The following RASSF9 variants were observed in gnomAD, a reference collection of about 807,000 sequenced individuals.
RASSF9 encodes ras association domain-containing protein 9.
A neutral mutation model predicts 21.4 loss-of-function variants in RASSF9; 18 were observed. The ratio of observed to expected loss-of-function variants is 0.84; its 90% CI spans 0.58 to 1.25. The LOEUF is 1.25. Ranked by LOEUF, RASSF9 falls within the 50% of genes most tolerant of loss-of-function variation. The pLI, the probability that RASSF9 is intolerant of heterozygous loss-of-function variation, is 0.00. For synonymous variants in RASSF9, 183 were observed against 179.1 expected, an observed-to-expected ratio of 1.02 and a Z score of -0.18; for missense variants, 480 against 503.2, an observed-to-expected ratio of 0.95 and a Z score of 0.44.
At position 85,801,917 on chromosome 12, in the gene RASSF9, C is replaced by G. The variant is rs1879714626; in HGVS notation, c.*2785G>C. On this transcript the variant is annotated 3_prime_UTR_variant, in exon 2 of 2. Transcript: ENST00000361228. The stretch of plus-strand genomic sequence containing the variant: ...AAAATGCTTCTTATGAGAAGTACCT[C>G]TAAAATATTTCTGGGTTCAGAGATG... 1 of 152,160 alleles carries G rather than the reference C, an allele frequency of 6.6e-6. No individual in the cohort carries two copies. Among genetic ancestry groups the G allele is most frequent in the Non-Finnish European group, 1.5e-5 (1 of 68,042 alleles). The allele number at this position is 152,160 out of a possible 1,614,324, so 9.4% of individuals were successfully genotyped here. A position where few individuals can be genotyped will look rare whatever the true frequency, so the allele number is the denominator to read the frequency against.
In RASSF9 at chr12:85,836,277, G is replaced by C; in HGVS notation, c.-76C>G. The C allele has an allele frequency of 6.5e-6, 10 of 1,535,428 alleles. No homozygotes were observed. The highest frequency in any genetic ancestry group is 8.8e-6 in the Non-Finnish European group (10 of 1,134,890). ...GGGGGTGGGGGTGTCTGGATTTCCAGGGTGAAGGGAGGAGGGCTGGAAGCT... is the reference window on the plus strand; with the variant it reads ...GGGGGTGGGGGTGTCTGGATTTCCACGGTGAAGGGAGGAGGGCTGGAAGCT... On this transcript the variant is annotated 5_prime_UTR_variant, in exon 1 of 2. Coordinates refer to ENST00000361228, the MANE Select transcript of RASSF9 (RefSeq NM_005447.4).
intron 1 of RASSF9, among the ~76,000 whole-genome samples, chr12:85,834,957 G>T (rs1034951509): frequency 1.3e-5 from 2 of 151,802 alleles, no homozygotes; most frequent in African/African-American, 2.4e-5. Flanking sequence ...CAAATTATTA[G>T]AAAATAAAGC....
At position 85,804,641 on chromosome 12, in the gene RASSF9, T is replaced by C; in HGVS notation, c.*61A>G. 7.1e-7 allele frequency: 1 copy of C among 1,411,116 alleles called. No individual in the cohort carries two copies. Among genetic ancestry groups the C allele is most frequent in the Non-Finnish European group, 9.5e-7 (1 of 1,049,736 alleles). 87.4% of individuals were successfully genotyped at this position (1,411,116 alleles called of 1,614,324 possible). On this transcript the variant is annotated 3_prime_UTR_variant, in exon 2 of 2. Transcript: ENST00000361228. ...TTTGAGTGTTATATTTAAAATGAGG[T>C]TTCCTATTAAATTAAACAAACATTA...
intron 1 of RASSF9, among the ~76,000 whole-genome samples, chr12:85,817,971 A>G (rs1880115116): frequency 6.6e-6 from 1 of 152,194 alleles, no homozygotes; most frequent in Non-Finnish European, 1.5e-5. Context: ...CAACTTCCAC[A>G]ACCCTTTGTA....
intron 1 of RASSF9, among the ~76,000 whole-genome samples, chr12:85,823,199 CAA>C (rs1164958967): frequency 0.045 from 4,150 of 92,948 alleles, 202 homozygotes; most frequent in African/African-American, 0.15. Context: ...AACTCCGTCT[CAA>C]AAAAAAAAAA....
At position 85,811,247 on chromosome 12, in the gene RASSF9, C is replaced by T. The variant is rs556823523; in HGVS notation, c.48-5285G>A. ...GTATAAAGGCAAGCATTGAGAGAATCCCCTGTATCTGACTCTGGAATACTA... is the reference window on the plus strand; with the variant it reads ...GTATAAAGGCAAGCATTGAGAGAATTCCCTGTATCTGACTCTGGAATACTA... On this transcript the variant is annotated intron_variant, in intron 1 of 1. Coordinates refer to ENST00000361228, the MANE Select transcript of RASSF9 (RefSeq NM_005447.4). Among the ~76,000 whole-genome samples, 70 of 151,794 alleles carry T rather than the reference C, an allele frequency of 4.6e-4. 2 individuals are homozygous for T. In the South Asian group the frequency reaches 0.012, roughly 25 times the overall value.
intron 1 of RASSF9, among the ~76,000 whole-genome samples, chr12:85,822,413 A>G (rs1880230444): frequency 6.6e-6 from 1 of 152,216 alleles, no homozygotes; most frequent in African/African-American, 2.4e-5. Flanking sequence ...ATGAACTGCA[A>G]TAAAATAACT....
At position 85,813,850 on chromosome 12, in the gene RASSF9, A is replaced by G. The variant is rs77651611; in HGVS notation, c.48-7888T>C. On this transcript the variant is annotated intron_variant, in intron 1 of 1. Coordinates refer to ENST00000361228, the MANE Select transcript of RASSF9 (RefSeq NM_005447.4). ...ATGAAGACTAGGATGCAATCTGTAA[A>G]TATTTATGGAAAATATTGAGAACTC... Among the ~76,000 whole-genome samples, 628 of 152,162 alleles carry G rather than the reference A, an allele frequency of 4.1e-3. 19 individuals are homozygous for G. In the East Asian group the frequency reaches 0.08, roughly 19 times the overall value.
chr12:85,832,650 G>A (rs1357257077), intron 1 of RASSF9, among the ~76,000 whole-genome samples: 6 of 151,798 alleles, frequency 4.0e-5, no homozygotes, highest in Non-Finnish European at 8.9e-5. Flanking sequence ...GAGGAACACT[G>A]GTTCCCTAGC....
Position 85,805,414 on chromosome 12 carries a change from T to G in RASSF9, c.596A>C (p.Gln199Pro). The G allele has an allele frequency of 6.2e-7, 1 of 1,613,864 alleles. No homozygotes were observed. The highest frequency in any genetic ancestry group is 8.5e-7 in the Non-Finnish European group (1 of 1,179,816). The change falls in exon 2 of 2, where the codon CAG becomes CCG. Residue 199 changes from glutamine to proline, a missense_variant. Coordinates refer to ENST00000361228, the MANE Select transcript of RASSF9 (RefSeq NM_005447.4). Reference protein sequence around the residue: ...LIISQDHTIHQQVKRMKELDL... With the variant: ...LIISQDHTIHPQVKRMKELDL... Reference sequence around the variant, plus strand: ...CAGCTCTTTCATTCTCTTGACTTGCTGATGAATAGTATGGTCCTGGGAAAT... The same window carrying G: ...CAGCTCTTTCATTCTCTTGACTTGCGGATGAATAGTATGGTCCTGGGAAAT...
Position 85,805,098 on chromosome 12 carries a change from C to T in RASSF9, c.912G>A (p.Gly304=). The change falls in exon 2 of 2, where the codon GGG becomes GGA. Residue 304 remains glycine (G), a synonymous_variant. Coordinates refer to ENST00000361228, the MANE Select transcript of RASSF9 (RefSeq NM_005447.4). ...AGCTTTCCAGTTCACTTGCAGCTTCCCCTTCCGCATCTTCATTTATATCAA... is the reference window on the plus strand; with the variant it reads ...AGCTTTCCAGTTCACTTGCAGCTTCTCCTTCCGCATCTTCATTTATATCAA... The part of the protein sequence containing the change: ...VCIDINEDAE[G]EAASELESSN... 1 of 1,613,974 alleles carries T rather than the reference C, an allele frequency of 6.2e-7. No individual in the cohort carries two copies. Among genetic ancestry groups the T allele is most frequent in the Non-Finnish European group, 8.5e-7 (1 of 1,179,898 alleles).
chr12:85,807,968 G>C (rs961420781), intron 1 of RASSF9, among the ~76,000 whole-genome samples: 1 of 152,110 alleles, frequency 6.6e-6, no homozygotes, highest in African/African-American at 2.4e-5. Flanking sequence ...GTTTTGAGTA[G>C]TAATTGGCTT....
chr12:85,826,891 G>A (rs1880346615), intron 1 of RASSF9, among the ~76,000 whole-genome samples: 1 of 151,996 alleles, frequency 6.6e-6, no homozygotes, highest in South Asian at 2.1e-4. Context: ...AAAATAATCT[G>A]TTTGGCCATT....
intron 1 of RASSF9, among the ~76,000 whole-genome samples, chr12:85,815,171 G>C (rs1445202854): frequency 6.6e-6 from 1 of 151,616 alleles, no homozygotes; most frequent in Non-Finnish European, 1.5e-5. Context: ...AAATGAGAGA[G>C]AGAGAAAAAA....
At chr12:85,814,757 G>A (rs1880024955) in intron 1 of RASSF9, among the ~76,000 whole-genome samples, 1 of 151,876 alleles carries the variant, frequency 6.6e-6, no homozygotes, top group African/African-American at 2.4e-5. Flanking sequence ...TCCAGAGCTG[G>A]TTCTAAGGAA....
Position 85,836,284 on chromosome 12 carries a change from G to A in RASSF9, c.-83C>T, listed in dbSNP as rs1880562938. 3 of 1,534,980 alleles carry A rather than the reference G, an allele frequency of 2.0e-6. No individual in the cohort carries two copies. The highest frequency in any genetic ancestry group is 3.9e-5 in the Admixed American group (2 of 50,778). Reference sequence around the variant, plus strand: ...GGGGTGTCTGGATTTCCAGGGTGAAGGGAGGAGGGCTGGAAGCTTTCTCTT... The same window carrying A: ...GGGGTGTCTGGATTTCCAGGGTGAAAGGAGGAGGGCTGGAAGCTTTCTCTT... On this transcript the variant is annotated 5_prime_UTR_variant, in exon 1 of 2. Coordinates refer to ENST00000361228, the MANE Select transcript of RASSF9 (RefSeq NM_005447.4).
chr12:85,828,775 T>C (rs1274133899), intron 1 of RASSF9, among the ~76,000 whole-genome samples: 1 of 152,158 alleles, frequency 6.6e-6, no homozygotes, highest in Non-Finnish European at 1.5e-5. Flanking sequence ...CTCTGTAATG[T>C]GCGTAGTTTC....
intron 1 of RASSF9, among the ~76,000 whole-genome samples, chr12:85,806,378 G>T (rs61928919): frequency 1.3e-5 from 2 of 148,500 alleles, no homozygotes; most frequent in Non-Finnish European, 3.0e-5. Context: ...TTGAGAATAA[G>T]AGTCAGAAGA....
At chr12:85,820,224 C>T (rs1281442900) in intron 1 of RASSF9, among the ~76,000 whole-genome samples, 1 of 152,122 alleles carries the variant, frequency 6.6e-6, no homozygotes, top group African/African-American at 2.4e-5. Flanking sequence ...TATTGAAAAC[C>T]AGCCATGCTC....
Sources: gnomAD v4.1 joint callset for allele counts (sites outside exome capture counted in the v4.1 genomes callset) on GRCh38, gnomAD v4.1.1 for gene constraint, MANE v1.5 for transcripts, NCBI Gene and HGNC (gene_info 2026-07-23, HGNC 2026-07-21) for gene names.